The following DLGAP2 variants were observed in gnomAD, a reference collection of about 807,000 sequenced individuals.
DLGAP2 encodes the protein DLG associated protein 2.
A neutral mutation model predicts 100.3 loss-of-function variants in DLGAP2; 26 were observed. That is an observed-to-expected ratio of 0.26 (90% CI 0.19 to 0.36). The LOEUF is 0.36. Among genes scored for constraint, DLGAP2 ranks in the 10% least tolerant of loss-of-function variants. DLGAP2 has a pLI of 1.00. For missense variants in DLGAP2, 1,858 were observed against 1,453.2 expected (o/e 1.28, Z -4.53); for synonymous variants, 886 against 630.1 (o/e 1.41, Z -6.08).
rs1196447844 is a variant in DLGAP2 at position 1,703,917 on chromosome 8, T to C, written c.*2511T>C. 1 of 152,646 alleles carries C rather than the reference T, an allele frequency of 6.6e-6. No individual in the cohort carries two copies. The allele number at this position is 152,646 out of a possible 1,614,324, so 9.5% of individuals were successfully genotyped here. Reference sequence around the variant, plus strand: ...TGCACACGCCCTGCCTGGTCCGCCATGTTCCAAAGAAGATGATTTAATGGT... The same window carrying C: ...TGCACACGCCCTGCCTGGTCCGCCACGTTCCAAAGAAGATGATTTAATGGT... On this transcript the variant is annotated 3_prime_UTR_variant, in exon 15 of 15. Coordinates refer to ENST00000637795, the MANE Select transcript of DLGAP2 (RefSeq NM_001346810.2).
chr8:1,565,878 C>G lies in DLGAP2; in HGVS notation c.1426C>G (p.Leu476Val). Residue 476 changes from leucine (L) to valine (V), a missense_variant, in exon 6 of 15, where the codon CTT (leucine) becomes GTT (valine). Transcript: ENST00000637795. ...GCTGAAGTCCATCGGACAGAGACCG[C>G]TTGGAGAGCACCAGACGTAAGTGAG... The part of the protein sequence containing the change: ...PLLKSIGQRP[L>V]GEHQTQTYLQ... The G allele has an allele frequency of 6.2e-7, 1 of 1,607,640 alleles. No individual in the cohort carries two copies. The highest frequency in any genetic ancestry group is 8.5e-7 in the Non-Finnish European group (1 of 1,177,080).
At chr8:1,350,737 AGTGTGTGTGGAAAGGCCGCGCGGGTC>A (rs1801699241) in intron 3 of DLGAP2, among the ~76,000 whole-genome samples, 4 of 83,494 alleles carry the variant, frequency 4.8e-5, no homozygotes, top group Non-Finnish European at 7.1e-5. Context: ...GCGGGTCCTG[AGTGTGTGTGGAAAGGCCGCGCGGGTC>A]CTGAGCGTGC....
At position 756,207 on chromosome 8, in the gene DLGAP2, G is replaced by T. The variant is rs73524804; in HGVS notation, c.18+18382G>T. ...AGTGTCTGGGAGGAGCTGGCGTCTGGGGGGGATACTGCTGGTGGCATAGGA... is the reference window on the plus strand; with the variant it reads ...AGTGTCTGGGAGGAGCTGGCGTCTGTGGGGGATACTGCTGGTGGCATAGGA... On this transcript the variant is annotated intron_variant, in intron 1 of 14. Transcript: ENST00000637795. 7.9e-5 allele frequency among the ~76,000 whole-genome samples: 12 copies of T among 152,146 alleles called. No homozygotes were observed. The East Asian group carries it at 1.9e-3, about 25-fold the overall frequency.
chr8:1,700,699 T>A (rs1054128675), intron 14 of DLGAP2, among the ~76,000 whole-genome samples: 1 of 152,166 alleles, frequency 6.6e-6, no homozygotes, highest in South Asian at 2.1e-4. Context: ...ATCGGGCCAG[T>A]GTTTCCCCGC....
At chr8:1,606,049 G>T (rs1796785717) in intron 6 of DLGAP2, among the ~76,000 whole-genome samples, 1 of 152,164 alleles carries the variant, frequency 6.6e-6, no homozygotes, top group South Asian at 2.1e-4. Context: ...GAAAGTATTT[G>T]TGGAAAATGA....
At chr8:1,564,846 G>A (rs1309076075) in intron 5 of DLGAP2, among the ~76,000 whole-genome samples, 1 of 151,724 alleles carries the variant, frequency 6.6e-6, no homozygotes, top group East Asian at 1.9e-4. Context: ...ACAGGCAGGT[G>A]CTGAGTTCCA....
At chr8:893,945 AG>A (rs1261862967) in intron 1 of DLGAP2, among the ~76,000 whole-genome samples, 1 of 152,180 alleles carries the variant, frequency 6.6e-6, no homozygotes, top group Non-Finnish European at 1.5e-5. Context: ...GGCGTCTCCG[AG>A]TAGCTCAGCC....
chr8:792,498 A>C (rs1358581457), intron 1 of DLGAP2, among the ~76,000 whole-genome samples: 1 of 152,210 alleles, frequency 6.6e-6, no homozygotes, highest in Non-Finnish European at 1.5e-5. Flanking sequence ...TCATCATTGC[A>C]TGAATGTTTG....
chr8:1,629,513 A>G (rs1797591202), intron 7 of DLGAP2, among the ~76,000 whole-genome samples: 1 of 152,238 alleles, frequency 6.6e-6, no homozygotes, highest in Admixed American at 6.5e-5. Flanking sequence ...ATTCTATTTC[A>G]GCATAAAGTC....
intron 3 of DLGAP2, among the ~76,000 whole-genome samples, chr8:1,443,209 C>A (rs1045939968): frequency 6.6e-6 from 1 of 152,142 alleles, no homozygotes; most frequent in Non-Finnish European, 1.5e-5. Context: ...GACATATAAT[C>A]CCAGCGCCCA....
At chr8:1,031,087 G>A (rs1358450356) in intron 2 of DLGAP2, among the ~76,000 whole-genome samples, 5 of 152,184 alleles carry the variant, frequency 3.3e-5, no homozygotes, top group South Asian at 2.1e-4. Flanking sequence ...TGGCGTCTGC[G>A]GGAGAAGCTT....
chr8:827,463 G>A (rs978552125), intron 1 of DLGAP2, among the ~76,000 whole-genome samples: 1 of 152,118 alleles, frequency 6.6e-6, no homozygotes, highest in Admixed American at 6.6e-5. Flanking sequence ...TTACTCAAAC[G>A]GTTATTTCAA....
intron 2 of DLGAP2, among the ~76,000 whole-genome samples, chr8:927,988 G>T (rs564726154): frequency 5.3e-4 from 81 of 152,354 alleles, no homozygotes; most frequent in African/African-American, 1.8e-3. Flanking sequence ...GCAGAGGGAA[G>T]CACGTGTGTG....
rs74439131 is a variant in DLGAP2 at position 1,660,966 on chromosome 8, G to A, written c.1811-7363G>A. ...TACCGCAACTTTCAGCAACAAGGCTGCTGGAACCGGAATCTTGCACTTCCT... is the reference window on the plus strand; with the variant it reads ...TACCGCAACTTTCAGCAACAAGGCTACTGGAACCGGAATCTTGCACTTCCT... On this transcript the variant is annotated intron_variant, in intron 8 of 14. Coordinates refer to ENST00000637795, the MANE Select transcript of DLGAP2 (RefSeq NM_001346810.2). Among the ~76,000 whole-genome samples, 501 of 152,310 alleles carry A rather than the reference G, an allele frequency of 3.3e-3. 24 individuals are homozygous for A. In the East Asian group the frequency reaches 0.08, roughly 24 times the overall value.
chr8:1,149,533 A>G (rs1439761312), intron 2 of DLGAP2, among the ~76,000 whole-genome samples: 1 of 152,168 alleles, frequency 6.6e-6, no homozygotes, highest in Non-Finnish European at 1.5e-5. Flanking sequence ...TCTTTGGGTT[A>G]ATATTTGCAT....
intron 3 of DLGAP2, among the ~76,000 whole-genome samples, chr8:1,366,396 A>T (rs1031899417): frequency 1.3e-5 from 2 of 152,210 alleles, no homozygotes; most frequent in Non-Finnish European, 2.9e-5. Flanking sequence ...CTGCAAGGGC[A>T]TGTTGTGAGA....
intron 1 of DLGAP2, among the ~76,000 whole-genome samples, chr8:879,281 T>G (rs1797740450): frequency 2.6e-5 from 4 of 152,180 alleles, no homozygotes; most frequent in Admixed American, 2.6e-4. Context: ...GGGCAATAAT[T>G]TGTGAAGACC....
intron 3 of DLGAP2, among the ~76,000 whole-genome samples, chr8:1,314,076 G>T (rs1800672859): frequency 6.6e-6 from 1 of 152,214 alleles, no homozygotes; most frequent in African/African-American, 2.4e-5. Flanking sequence ...CACTGTAAAT[G>T]AGTTACTGCT....
intron 2 of DLGAP2, among the ~76,000 whole-genome samples, chr8:1,245,399 A>T (rs945278970): frequency 2.0e-5 from 3 of 152,218 alleles, no homozygotes; most frequent in African/African-American, 7.2e-5. Flanking sequence ...CATGCAATGG[A>T]ATCTTCTCTA....
Sources: allele counts gnomAD v4.1 joint callset (sites outside exome capture counted in the v4.1 genomes callset), GRCh38; gene constraint gnomAD v4.1.1; transcripts MANE v1.5; gene names NCBI Gene and HGNC (gene_info 2026-07-23, HGNC 2026-07-21).